Variants in RANBP17 observed in about 807,000 individuals in gnomAD.
RANBP17 encodes the protein ran-binding protein 17.
In RANBP17, 158 loss-of-function variants were observed where a neutral mutation model predicts 141.2. The ratio of observed to expected loss-of-function variants is 1.12; its 90% CI spans 0.98 to 1.28. RANBP17 has a LOEUF of 1.28. Among genes scored for constraint, RANBP17 ranks in the 50% most tolerant of loss-of-function variants. RANBP17 has a pLI of 0.00. For synonymous variants in RANBP17, 430 were observed against 450.0 expected (o/e 0.96, Z 0.56); for missense variants, 1,438 against 1,290.7 (o/e 1.11, Z -1.75).
chr5:171,058,976 G>A (rs1225085753), intron 14 of RANBP17, among the ~76,000 whole-genome samples: 1 of 150,414 alleles, frequency 6.6e-6, no homozygotes, highest in Non-Finnish European at 1.5e-5. Flanking sequence ...AGAAGTGTCT[G>A]TTCATGTCCT....
intron 16 of RANBP17, among the ~76,000 whole-genome samples, chr5:171,177,864 C>T (rs1430224610): frequency 6.6e-6 from 1 of 152,066 alleles, no homozygotes; most frequent in African/African-American, 2.4e-5. Context: ...GTTTTCCCTT[C>T]CTTTATAGTT....
At chr5:171,005,929 G>A (rs1779569811) in intron 14 of RANBP17, among the ~76,000 whole-genome samples, 1 of 152,148 alleles carries the variant, frequency 6.6e-6, no homozygotes, top group Non-Finnish European at 1.5e-5. Flanking sequence ...TCAAAAAGTA[G>A]GCAAAGGATA....
Position 171,170,178 on chromosome 5 carries a change from G to C in RANBP17, c.1759G>C (p.Val587Leu). 1 of 1,577,742 alleles carries C rather than the reference G, an allele frequency of 6.3e-7. No homozygotes were observed. ...EVLGITDDNH[V>L]LETFMTKIVT... Reference sequence around the variant, plus strand: ...CTTAGGAATAACAGATGACAACCACGTTCTAGAGACGTTCATGACAAAAAT... The same window carrying C: ...CTTAGGAATAACAGATGACAACCACCTTCTAGAGACGTTCATGACAAAAAT... Residue 587 changes from valine (V) to leucine (L), a missense_variant, in exon 15 of 28, where the codon GTT becomes CTT. Val to Leu is a conservative substitution (Grantham distance 32). Coordinates refer to ENST00000523189, the MANE Select transcript of RANBP17 (RefSeq NM_022897.5).
At chr5:171,190,692 A>G (rs113308685) in intron 18 of RANBP17, among the ~76,000 whole-genome samples, 32 of 152,350 alleles carry the variant, frequency 2.1e-4, no homozygotes, top group African/African-American at 7.7e-4. Context: ...GGAGCTATTC[A>G]GTATAAAATA....
chr5:171,057,802 C>A (rs1409574276), intron 14 of RANBP17, among the ~76,000 whole-genome samples: 1 of 151,978 alleles, frequency 6.6e-6, no homozygotes, highest in Non-Finnish European at 1.5e-5. Context: ...CAGATGCTTA[C>A]AAAACCATCA....
Position 170,953,665 on chromosome 5 carries a change from G to A in RANBP17, c.1537G>A (p.Asp513Asn), listed in dbSNP as rs1219701275. 1.2e-6 allele frequency: 2 copies of A among 1,609,864 alleles called. No individual in the cohort carries two copies. The highest frequency in any genetic ancestry group is 1.7e-6 in the Non-Finnish European group (2 of 1,176,444). The change falls in exon 13 of 28, where the codon GAT becomes AAT. Residue 513 changes from aspartate (D) to asparagine (N), a missense_variant. Physicochemically the swap from Asp to Asn is conservative, Grantham distance 23 (BLOSUM62 1). Coordinates refer to ENST00000523189, the MANE Select transcript of RANBP17 (RefSeq NM_022897.5). ...AGGAAGATTAACATATACCAGTACA[G>A]ATGAGCATGATGCTATGGATGGAGA... ...VGGRLTYTST[D>N]EHDAMDGELS...
intron 14 of RANBP17, among the ~76,000 whole-genome samples, chr5:171,115,301 C>CAT (rs1755541472): frequency 6.6e-6 from 1 of 152,032 alleles, no homozygotes; most frequent in African/African-American, 2.4e-5. Context: ...ATTCTACTCC[C>CAT]ATTATGAAAT....
intron 22 of RANBP17, among the ~76,000 whole-genome samples, chr5:171,232,306 C>A (rs1265562356): frequency 6.6e-6 from 1 of 152,046 alleles, no homozygotes; most frequent in Non-Finnish European, 1.5e-5. Flanking sequence ...AGTTCAGAAA[C>A]AAAATTACAT....
intron 3 of RANBP17, 120 bp downstream of exon 3, chr5:170,882,016 A>G (rs1768742622): frequency 1.7e-6 from 1 of 596,344 alleles, no homozygotes; most frequent in South Asian, 2.8e-5. Flanking sequence ...AAACATGAGT[A>G]TCAAGTCTCA....
intron 24 of RANBP17, among the ~76,000 whole-genome samples, chr5:171,246,897 A>C (rs144005434): frequency 1.3e-5 from 2 of 152,308 alleles, no homozygotes; most frequent in African/African-American, 2.4e-5. Flanking sequence ...TGTATACCAA[A>C]AGCAGGTTAG....
At chr5:171,176,770 C>A (rs1473802926) in intron 16 of RANBP17, among the ~76,000 whole-genome samples, 1 of 152,136 alleles carries the variant, frequency 6.6e-6, no homozygotes, top group Non-Finnish European at 1.5e-5. Context: ...ATAGATAAAC[C>A]ATTAAGTATG....
intron 14 of RANBP17, among the ~76,000 whole-genome samples, chr5:171,151,146 C>T (rs1758443296): frequency 6.6e-6 from 1 of 152,094 alleles, no homozygotes; most frequent in African/African-American, 2.4e-5. Flanking sequence ...GAAATGTGAT[C>T]TGTGCAAAAT....
intron 25 of RANBP17, among the ~76,000 whole-genome samples, chr5:171,266,772 C>T (rs1248886541): frequency 6.6e-6 from 1 of 151,858 alleles, no homozygotes; most frequent in Non-Finnish European, 1.5e-5. Context: ...ATTAGCCAGG[C>T]GTGGTGGTGC....
chr5:171,020,614 T>C (rs1481528102), intron 14 of RANBP17, among the ~76,000 whole-genome samples: 2 of 152,124 alleles, frequency 1.3e-5, no homozygotes, highest in African/African-American at 4.8e-5. Context: ...TTTTCTTGCT[T>C]TCCATTTGCT....
intron 14 of RANBP17, among the ~76,000 whole-genome samples, chr5:171,078,450 C>A (rs1406344468): frequency 6.6e-6 from 1 of 152,176 alleles, no homozygotes; most frequent in East Asian, 1.9e-4. Flanking sequence ...GCCACCATGC[C>A]TGACTCAAAA....
chr5:171,217,628 C>G (rs887154568), intron 21 of RANBP17, among the ~76,000 whole-genome samples: 3 of 152,090 alleles, frequency 2.0e-5, no homozygotes, highest in Non-Finnish European at 2.9e-5. Context: ...CTGGTTTAGT[C>G]TTGGGAAGGT....
chr5:171,130,983 C>T (rs1450677314), intron 14 of RANBP17, among the ~76,000 whole-genome samples: 2 of 152,044 alleles, frequency 1.3e-5, no homozygotes, highest in Non-Finnish European at 2.9e-5. Context: ...TGTTCAGAGA[C>T]TTTTGTCTTT....
intron 5 of RANBP17, among the ~76,000 whole-genome samples, chr5:170,904,857 G>T (rs569050385): frequency 7.9e-5 from 12 of 151,940 alleles, no homozygotes; most frequent in African/African-American, 2.9e-4. Context: ...GTAAAAGTAG[G>T]TACTGGGAAT....
intron 24 of RANBP17, chr5:171,252,136 G>C (rs1765613684): frequency 6.3e-7 from 1 of 1,593,058 alleles, no homozygotes; most frequent in Non-Finnish European, 8.6e-7. Flanking sequence ...TTCATCACAA[G>C]ATTACAGAAA....
Sources: gnomAD v4.1 joint callset for allele counts (sites outside exome capture counted in the v4.1 genomes callset) on GRCh38, gnomAD v4.1.1 for gene constraint, MANE v1.5 for transcripts, NCBI Gene and HGNC (gene_info 2026-07-23, HGNC 2026-07-21) for gene names.